Variants in CTNNA2 observed in about 807,000 individuals in gnomAD.
The protein encoded by CTNNA2 is catenin alpha-2.
A neutral mutation model predicts 101.0 loss-of-function variants in CTNNA2; 42 were observed. That is an observed-to-expected ratio of 0.42 (90% CI 0.32 to 0.54). CTNNA2 has a LOEUF of 0.54. Among genes scored for constraint, CTNNA2 ranks in the 20% least tolerant of loss-of-function variants. CTNNA2 has a pLI of 0.14. For missense variants in CTNNA2, 871 were observed against 1,223.1 expected (o/e 0.71, Z 4.29); for synonymous variants, 450 against 456.4 (o/e 0.99, Z 0.18).
At chr2:80,271,403 A>C (rs928729305) in intron 7 of CTNNA2, among the ~76,000 whole-genome samples, 18 of 150,412 alleles carry the variant, frequency 1.2e-4, no homozygotes, top group Non-Finnish European at 2.5e-4. Flanking sequence ...ACATTGACCA[A>C]GCTTCTTTAT....
chr2:80,288,907 T>G (rs929054395), intron 7 of CTNNA2: 1 of 152,272 alleles, frequency 6.6e-6, no homozygotes, highest in African/African-American at 2.4e-5. Context: ...TGGATTTTGC[T>G]GCAGTTCAGT....
chr2:79,398,851 A>T, intron 4 of CTNNA2, among the ~76,000 whole-genome samples: 1 of 8,702 alleles, frequency 1.1e-4, no homozygotes, highest in East Asian at 0.038. Flanking sequence ...TGTTTAGTTA[A>T]AAAAAAAAAA....
At chr2:79,756,184 G>T (rs962342956) in intron 3 of CTNNA2, among the ~76,000 whole-genome samples, 25 of 152,092 alleles carry the variant, frequency 1.6e-4, no homozygotes, top group African/African-American at 6.0e-4. Flanking sequence ...TTTTGAAAAT[G>T]CTATATTCTT....
chr2:79,742,111 A>C (rs752504369), intron 2 of CTNNA2, among the ~76,000 whole-genome samples: 3 of 152,084 alleles, frequency 2.0e-5, no homozygotes, highest in Non-Finnish European at 2.9e-5. Context: ...CTTCCCCCCC[A>C]CAAAACTGAC....
intron 3 of CTNNA2, among the ~76,000 whole-genome samples, chr2:79,822,899 A>G (rs908675437): frequency 4.6e-5 from 7 of 151,996 alleles, no homozygotes; most frequent in African/African-American, 7.2e-5. Flanking sequence ...TTCATACCCC[A>G]CTTGCCTACC....
intron 7 of CTNNA2, among the ~76,000 whole-genome samples, chr2:80,079,401 A>T (rs999763642): frequency 1.3e-5 from 2 of 152,130 alleles, no homozygotes; most frequent in Non-Finnish European, 2.9e-5. Flanking sequence ...CAGAGAAAAG[A>T]TTTCATAAAT....
chr2:80,273,109 G>A (rs1187037433), intron 7 of CTNNA2, among the ~76,000 whole-genome samples: 2 of 152,128 alleles, frequency 1.3e-5, no homozygotes, highest in Non-Finnish European at 2.9e-5. Context: ...AAGGAAGGAG[G>A]AAAGCAGTAG....
At chr2:80,565,917 A>G (rs1026345581) in intron 12 of CTNNA2, among the ~76,000 whole-genome samples, 7 of 152,188 alleles carry the variant, frequency 4.6e-5, no homozygotes, top group African/African-American at 1.7e-4. Flanking sequence ...TGAGGCTTAA[A>G]TTGGTTTAAT....
chr2:79,740,045 T>C (rs529008301), intron 2 of CTNNA2, among the ~76,000 whole-genome samples: 2 of 152,336 alleles, frequency 1.3e-5, no homozygotes, highest in East Asian at 3.9e-4. Context: ...CAGAGGTACA[T>C]GTGCAGGTTT....
rs1709447632 is a variant in CTNNA2, at chr2:80,234,641, G to A, written c.1057-158570G>A. On this transcript the variant is annotated intron_variant, in intron 7 of 18. Transcript: ENST00000402739. Reference sequence around the variant, plus strand: ...AGTCTCAGGCAAGAGGGTGAGGAATGGATGATAGGAGTTGAATTGGAGGAT... The same window carrying A: ...AGTCTCAGGCAAGAGGGTGAGGAATAGATGATAGGAGTTGAATTGGAGGAT... 2.0e-5 allele frequency among the ~76,000 whole-genome samples: 3 copies of A among 152,164 alleles called. 1 individual carries two copies. The South Asian group carries it at 6.2e-4, about 32-fold the overall frequency.
At chr2:79,437,574 G>C (rs1232973341) in intron 4 of CTNNA2, among the ~76,000 whole-genome samples, 1 of 152,130 alleles carries the variant, frequency 6.6e-6, no homozygotes, top group Admixed American at 6.5e-5. Context: ...GTGCCTCTGC[G>C]TTTGACCAAG....
chr2:79,836,099 A>G (rs1178653368), intron 3 of CTNNA2, among the ~76,000 whole-genome samples: 1 of 152,210 alleles, frequency 6.6e-6, no homozygotes, highest in South Asian at 2.1e-4. Flanking sequence ...TATGGAAGGG[A>G]TGACTTTTCA....
intron 4 of CTNNA2, among the ~76,000 whole-genome samples, chr2:79,867,872 A>C (rs1682264018): frequency 1.3e-5 from 2 of 152,212 alleles, no homozygotes; most frequent in African/African-American, 4.8e-5. Flanking sequence ...CATCTCAAAT[A>C]AGCAGCAGGA....
At chr2:80,161,726 T>A (rs1704334521) in intron 7 of CTNNA2, among the ~76,000 whole-genome samples, 1 of 152,328 alleles carries the variant, frequency 6.6e-6, no homozygotes, top group South Asian at 2.1e-4. Flanking sequence ...AACTGTGCAC[T>A]GACATTTTTA....
At chr2:80,544,588 C>T (rs995228200) in intron 9 of CTNNA2, among the ~76,000 whole-genome samples, 2 of 152,028 alleles carry the variant, frequency 1.3e-5, no homozygotes, top group African/African-American at 4.8e-5. Context: ...AAATAATTGC[C>T]TGTAGCATTC....
At chr2:79,737,003 G>A (rs1006063038) in intron 2 of CTNNA2, among the ~76,000 whole-genome samples, 6 of 152,156 alleles carry the variant, frequency 3.9e-5, no homozygotes, top group Non-Finnish European at 5.9e-5. Context: ...CTGTTTGTAA[G>A]GAATCATGAT....
chr2:79,655,712 C>G (rs1246716131), intron 2 of CTNNA2, among the ~76,000 whole-genome samples: 1 of 151,764 alleles, frequency 6.6e-6, no homozygotes, highest in Non-Finnish European at 1.5e-5. Context: ...GCCTGTAAAC[C>G]CAGCTACTCA....
intron 1 of CTNNA2, among the ~76,000 whole-genome samples, chr2:79,519,508 C>T (rs1013377956): frequency 7.9e-5 from 12 of 152,112 alleles, no homozygotes; most frequent in African/African-American, 2.9e-4. Context: ...TCAAACTCTC[C>T]AACACTTATT....
chr2:80,559,305 G>A lies in CTNNA2; in HGVS notation c.1741+3412G>A, dbSNP rs113798706. On this transcript the variant is annotated intron_variant, in intron 12 of 18. Transcript: ENST00000402739. ...GCAGAATAATCAAACAGCCTTGACT[G>A]AACTGGATGTTGCTGCTGAAGGTGT... Among the ~76,000 whole-genome samples, 35 of 152,288 alleles carry A rather than the reference G, an allele frequency of 2.3e-4. 2 individuals carry two copies. The highest frequency in any genetic ancestry group is 8.4e-4 in the African/African-American group (35 of 41,568).
Sources: allele counts gnomAD v4.1 joint callset (sites outside exome capture counted in the v4.1 genomes callset), GRCh38; gene constraint gnomAD v4.1.1; transcripts MANE v1.5; gene names NCBI Gene and HGNC (gene_info 2026-07-23, HGNC 2026-07-21).